AGPAT3: variants seen among roughly 807,000 people sequenced by gnomAD.
The protein encoded by AGPAT3 is 1-acyl-sn-glycerol-3-phosphate acyltransferase gamma.
AGPAT3 carries 5 observed loss-of-function variants against 47.3 expected under a neutral mutation model. The observed-to-expected ratio is 0.11, with a 90% CI of 0.06 to 0.22. AGPAT3 has a LOEUF of 0.22. Ranked by LOEUF, AGPAT3 falls within the 10% of genes least tolerant of loss-of-function variation. The probability of loss-of-function intolerance (pLI) is 1.00; values close to 1 mark genes in which losing one functional copy is unlikely to be tolerated. For synonymous variants in AGPAT3, 212 were observed against 208.3 expected (o/e 1.02, Z -0.15); for missense variants, 315 against 493.0 (o/e 0.64, Z 3.42).
At chr21:43,977,756 G>T (rs573723248) in intron 7 of AGPAT3, among the ~76,000 whole-genome samples, 1 of 152,024 alleles carries the variant, frequency 6.6e-6, no homozygotes, top group African/African-American at 2.4e-5. Context: ...GCGTGGTGGC[G>T]CATGCCTGTA....
At chr21:43,942,268 G>A (rs1370690923) in intron 2 of AGPAT3, among the ~76,000 whole-genome samples, 5 of 152,200 alleles carry the variant, frequency 3.3e-5, no homozygotes, top group Admixed American at 1.3e-4. Flanking sequence ...TGAGCGTCAC[G>A]GTGGGTGCTA....
chr21:43,980,225 G>A (rs538355188), intron 8 of AGPAT3, among the ~76,000 whole-genome samples: 1 of 146,488 alleles, frequency 6.8e-6, no homozygotes. Context: ...GCAGTGAGCC[G>A]AGATCGTACC....
rs548463779 is a variant in AGPAT3, at chr21:43,955,759, T to G, written c.-48-3875T>G. On this transcript the variant is annotated intron_variant, in intron 2 of 9. Transcript: ENST00000291572. This position sits in a 1 kb window ranked among gnomAD's most constrained non-coding sequence, Gnocchi z 4.1. ...CATCTCTACTAAACATACAAAAATT[T>G]GCTGGACATGGTGGTGCATACCTGT... Among the ~76,000 whole-genome samples, 218 of 151,914 alleles carry G rather than the reference T, an allele frequency of 1.4e-3. No individual in the cohort carries two copies. The highest frequency in any genetic ancestry group is 2.6e-3 in the Non-Finnish European group (179 of 67,922).
At chr21:43,884,119 A>G (rs866925752) in intron 1 of AGPAT3, among the ~76,000 whole-genome samples, 3 of 152,142 alleles carry the variant, frequency 2.0e-5, no homozygotes, top group Non-Finnish European at 4.4e-5. Flanking sequence ...ACCAGAGATG[A>G]GTCACCCAGT....
intron 2 of AGPAT3, among the ~76,000 whole-genome samples, chr21:43,956,376 A>G (rs1242242915): frequency 1.3e-5 from 2 of 151,992 alleles, no homozygotes; most frequent in Non-Finnish European, 1.5e-5. Flanking sequence ...GCCCCATATG[A>G]TGCACGAAGC....
At chr21:43,978,167 G>T in intron 8 of AGPAT3, 46 bp downstream of exon 8, 1 of 1,569,516 alleles carries the variant, frequency 6.4e-7, no homozygotes. Flanking sequence ...TCCTGAAGAG[G>T]CTGTGGAAGG....
chr21:43,921,455 C>A (rs775085442), intron 2 of AGPAT3, among the ~76,000 whole-genome samples: 1 of 152,172 alleles, frequency 6.6e-6, no homozygotes, highest in Non-Finnish European at 1.5e-5. Flanking sequence ...AAGCTAGGAT[C>A]AGCATCCTGA....
At chr21:43,924,260 C>T (rs868541224) in intron 2 of AGPAT3, among the ~76,000 whole-genome samples, 14 of 151,782 alleles carry the variant, frequency 9.2e-5, no homozygotes, top group Middle Eastern at 6.8e-3. Flanking sequence ...CTCCTGACCT[C>T]GTGACCCGCC....
At chr21:43,894,222 T>C (rs567699459) in intron 1 of AGPAT3, among the ~76,000 whole-genome samples, 3 of 151,464 alleles carry the variant, frequency 2.0e-5, no homozygotes, top group Non-Finnish European at 2.9e-5. Context: ...TCTTTCTTTT[T>C]TTTTTTTTTT....
At position 43,939,593 on chromosome 21, in the gene AGPAT3, G is replaced by A. The variant is rs973391905; in HGVS notation, c.-48-20041G>A. ...GCAGTTTGGAGAGAGTGTCGCGGGC[G>A]CCTGGCCTGTCCGGCAGGCTGGGTG... On this transcript the variant is annotated intron_variant, in intron 2 of 9. Coordinates refer to ENST00000291572, the MANE Select transcript of AGPAT3 (RefSeq NM_020132.5). The surrounding 1 kb of genome is among the most constrained non-coding windows in gnomAD (Gnocchi z 4.4). Among the ~76,000 whole-genome samples, 3 of 152,184 alleles carry A rather than the reference G, an allele frequency of 2.0e-5. No individual in the cohort carries two copies. Among genetic ancestry groups the A allele is most frequent in the South Asian group, 2.1e-4 (1 of 4,824 alleles).
intron 1 of AGPAT3, among the ~76,000 whole-genome samples, chr21:43,883,499 C>T (rs911588330): frequency 3.3e-5 from 5 of 152,258 alleles, no homozygotes; most frequent in Admixed American, 2.6e-4. Context: ...TGTCACTCAG[C>T]CTGGCCAGTC....
chr21:43,911,859 A>T (rs1477136902), intron 2 of AGPAT3, among the ~76,000 whole-genome samples: 2 of 152,210 alleles, frequency 1.3e-5, no homozygotes, highest in East Asian at 3.9e-4. Context: ...ATGCCTAGTC[A>T]CGAGGCTGCT....
chr21:43,919,437 C>T (rs1389587953), intron 2 of AGPAT3, among the ~76,000 whole-genome samples: 1 of 152,176 alleles, frequency 6.6e-6, no homozygotes, highest in Non-Finnish European at 1.5e-5. Context: ...AGAATAATGG[C>T]CTCCAGCTCC....
chr21:43,959,214 AT>A (rs1245899595), intron 2 of AGPAT3, among the ~76,000 whole-genome samples: 1 of 76,160 alleles, frequency 1.3e-5, no homozygotes, highest in Non-Finnish European at 2.5e-5. Flanking sequence ...GATGTGTGGC[AT>A]GTGGGGTTTG....
intron 2 of AGPAT3, among the ~76,000 whole-genome samples, chr21:43,907,995 G>T (rs1321412440): frequency 6.6e-6 from 1 of 152,214 alleles, no homozygotes; most frequent in African/African-American, 2.4e-5. Context: ...GTGGAAGCAT[G>T]TTCCCGTAAT....
intron 2 of AGPAT3, among the ~76,000 whole-genome samples, chr21:43,940,469 TAGGGAAGC>T (rs1316106187): frequency 2.0e-5 from 3 of 152,054 alleles, no homozygotes; most frequent in Non-Finnish European, 4.4e-5. Flanking sequence ...TCCTGGGAGG[TAGGGAAGC>T]AGGGGATGGC....
intron 1 of AGPAT3, among the ~76,000 whole-genome samples, chr21:43,890,571 C>G (rs903240750): frequency 6.6e-6 from 1 of 151,850 alleles, no homozygotes; most frequent in Non-Finnish European, 1.5e-5. Context: ...AGCCACCATG[C>G]CTGGCTCATT....
chr21:43,924,075 G>A (rs1229303694), intron 2 of AGPAT3, among the ~76,000 whole-genome samples: 6 of 152,226 alleles, frequency 3.9e-5, no homozygotes, highest in African/African-American at 1.2e-4. Flanking sequence ...GGAGTGCAGT[G>A]GCGTGATCTC....
Position 43,981,313 on chromosome 21 carries a change from G to C in AGPAT3, c.1042+126G>C. On this transcript the variant is annotated intron_variant, in intron 9 of 9. Transcript: ENST00000291572. The surrounding 1 kb of genome is among the most constrained non-coding windows in gnomAD (Gnocchi z 5.3). ...AGGGGCCTGGCTGTTATGGACCCTG[G>C]AGCCAGGATCCCCCCACGGCCTGCG... 9.5e-7 allele frequency: 1 copy of C among 1,052,948 alleles called. No homozygotes were observed. The allele number at this position is 1,052,948 out of a possible 1,614,324, so 65.2% of individuals were successfully genotyped here.
Sources: gnomAD v4.1 joint callset for allele counts (sites outside exome capture counted in the v4.1 genomes callset) on GRCh38, gnomAD v4.1.1 for gene constraint, Gnocchi (gnomAD v3.1) non-coding constraint, MANE v1.5 for transcripts, NCBI Gene and HGNC (gene_info 2026-07-23, HGNC 2026-07-21) for gene names.